Variants in BAAT observed in about 807,000 individuals in gnomAD.
BAAT encodes the protein bile acid CoA: amino acid N-acyltransferase (glycine N-choloyltransferase).
BAAT carries 13 observed loss-of-function variants against 18.9 expected under a neutral mutation model. The ratio of observed to expected loss-of-function variants is 0.69; its 90% CI spans 0.45 to 1.10. The LOEUF (loss-of-function observed/expected upper bound fraction) is 1.10. BAAT is among the 50% of genes least tolerant of loss of function. BAAT has a pLI of 0.00. For missense variants in BAAT, 489 were observed against 504.0 expected (o/e 0.97, Z 0.28); for synonymous variants, 170 against 190.7 (o/e 0.89, Z 0.89).
chr9:101,364,621 T>C (rs1402575283), intron 3 of BAAT, among the ~76,000 whole-genome samples: 1 of 152,178 alleles, frequency 6.6e-6, no homozygotes, highest in Non-Finnish European at 1.5e-5. Context: ...GCAAGGCATT[T>C]AGAGGAACCA....
chr9:101,366,739 A>G (rs1322043749), intron 3 of BAAT, among the ~76,000 whole-genome samples: 1 of 152,022 alleles, frequency 6.6e-6, no homozygotes, highest in African/African-American at 2.4e-5. Flanking sequence ...AATGTTCACT[A>G]CATCAGTAGA....
chr9:101,362,985 C>T lies in BAAT; in HGVS notation c.700G>A (p.Val234Ile). 1.2e-6 allele frequency: 2 copies of T among 1,613,890 alleles called. No individual in the cohort carries two copies. Among genetic ancestry groups the T allele is most frequent in the Non-Finnish European group, 1.7e-6 (2 of 1,179,944 alleles). ...VFGSGVGVVS[V>I]CQGVQIGLSM... is the part of the protein sequence containing the mutation. ...AGTCCAATCTGTACTCCTTGACATA[C>T]AGAGACTACCCCAACGCCTGAGCCA... Residue 234 changes from valine (V) to isoleucine (I), a missense_variant, in exon 4 of 4, where the codon GTA becomes ATA. Physicochemically the swap from Val to Ile is conservative, Grantham distance 29. Coordinates refer to ENST00000259407, the MANE Select transcript of BAAT (RefSeq NM_001701.4).
intron 3 of BAAT, among the ~76,000 whole-genome samples, chr9:101,364,939 A>G (rs1475080855): frequency 6.6e-6 from 1 of 152,216 alleles, no homozygotes; most frequent in East Asian, 1.9e-4. Context: ...TACAACTCTG[A>G]CTTGCATAAA....
chr9:101,372,339 T>TA (rs1829966515), intron 1 of BAAT, among the ~76,000 whole-genome samples: 1 of 149,036 alleles, frequency 6.7e-6, no homozygotes, highest in African/African-American at 2.5e-5. Flanking sequence ...AGAATGAGAA[T>TA]AAAATCTTTG....
chr9:101,376,272 C>T (rs1830044870), intron 1 of BAAT: 1 of 192,656 alleles, frequency 5.2e-6, no homozygotes, highest in African/African-American at 2.4e-5. Flanking sequence ...ACGGATGATT[C>T]ATAGGATTAA....
Position 101,370,970 on chromosome 9 carries a change from GC to G in BAAT, c.434del (p.Gly145AlafsTer19), listed in dbSNP as rs1411713284. The G allele has an allele frequency of 2.5e-6, 4 of 1,614,090 alleles. No individual in the cohort carries two copies. Among genetic ancestry groups the G allele is most frequent in the Non-Finnish European group, 3.4e-6 (4 of 1,180,004 alleles). ...PGVTRIKVRE[G>X]RLRGALFLPP... ...GGAGAAAGAGAGCTCCTCGAAGGCG[GC>G]CTTCTCGAACCTTAATTCGTGTGAC... On this transcript the variant is annotated frameshift_variant, in exon 2 of 4. Transcript: ENST00000259407. LOFTEE classifies it high-confidence loss of function.
rs767910529 is a variant in BAAT, at chr9:101,362,782, T to A, written c.903A>T (p.Thr301=). 9.3e-6 allele frequency: 15 copies of A among 1,614,046 alleles called. No homozygotes were observed. Among genetic ancestry groups the A allele is most frequent in the Non-Finnish European group, 1.2e-5 (14 of 1,180,032 alleles). The change falls in exon 4 of 4, where the codon ACA becomes ACT. Residue 301 remains threonine (T), a synonymous_variant. Coordinates refer to ENST00000259407, the MANE Select transcript of BAAT (RefSeq NM_001701.4). ...AATATTGACTGGCCCCAACTTGAGTTGTCTCAAAAGTGCGATAGAGCTCTA... is the reference window on the plus strand; with the variant it reads ...AATATTGACTGGCCCCAACTTGAGTAGTCTCAAAAGTGCGATAGAGCTCTA... The part of the protein sequence containing the change: ...GLLELYRTFE[T]TQVGASQYLF...
In BAAT at chr9:101,362,084, T is replaced by C. The variant is rs1829735800; in HGVS notation, c.*344A>G. 1 of 349,414 alleles carries C rather than the reference T, an allele frequency of 2.9e-6. No homozygotes were observed. The highest frequency in any genetic ancestry group is 2.1e-5 in the African/African-American group (1 of 47,668). The allele number at this position is 349,414 out of a possible 1,614,324, so 21.6% of individuals were successfully genotyped here. ...TACTATATAGTGTTTTCTGACATGG[T>C]ATTTGGTTTTATATCTGTTACTTTG... On this transcript the variant is annotated 3_prime_UTR_variant, in exon 4 of 4. Coordinates refer to ENST00000259407, the MANE Select transcript of BAAT (RefSeq NM_001701.4).
At chr9:101,372,530 T>C (rs933385239) in intron 1 of BAAT, among the ~76,000 whole-genome samples, 7 of 151,976 alleles carry the variant, frequency 4.6e-5, no homozygotes, top group Non-Finnish European at 1.0e-4. Flanking sequence ...CTCCTTTTGA[T>C]TAGTGTGAAG....
At chr9:101,364,320 G>A (rs988234343) in intron 3 of BAAT, among the ~76,000 whole-genome samples, 1 of 152,118 alleles carries the variant, frequency 6.6e-6, no homozygotes, top group Admixed American at 6.5e-5. Flanking sequence ...TTCAGACTAG[G>A]ATGCTGGCCT....
intron 1 of BAAT, among the ~76,000 whole-genome samples, chr9:101,374,218 C>T (rs1168746038): frequency 1.3e-5 from 2 of 152,166 alleles, no homozygotes; most frequent in Non-Finnish European, 2.9e-5. Flanking sequence ...ATCTCAGTTA[C>T]CTGTCTTTCA....
Position 101,362,141 on chromosome 9 carries a change from G to T in BAAT, c.*287C>A. ...TTCTTGTTTGCCTTTTCTTATTTTTGCCAGTGTACTATACCTCAGTCCTAT... is the reference window on the plus strand; with the variant it reads ...TTCTTGTTTGCCTTTTCTTATTTTTTCCAGTGTACTATACCTCAGTCCTAT... On this transcript the variant is annotated 3_prime_UTR_variant, in exon 4 of 4. Transcript: ENST00000259407. 1 of 490,364 alleles carries T rather than the reference G, an allele frequency of 2.0e-6. No individual in the cohort carries two copies. Among genetic ancestry groups the T allele is most frequent in the Non-Finnish European group, 3.6e-6 (1 of 276,216 alleles). The allele number at this position is 490,364 out of a possible 1,614,324, so 30.4% of individuals were successfully genotyped here.
chr9:101,368,815 T>G (rs1054669016), intron 2 of BAAT, among the ~76,000 whole-genome samples: 41 of 152,284 alleles, frequency 2.7e-4, no homozygotes, highest in African/African-American at 9.9e-4. Context: ...ATATATATAT[T>G]TGTAGGTGAA....
chr9:101,363,290 A>G (rs1336923310), intron 3 of BAAT, among the ~76,000 whole-genome samples: 1 of 152,206 alleles, frequency 6.6e-6, no homozygotes, highest in African/African-American at 2.4e-5. Context: ...TCGCAGGGAA[A>G]GTAAGAAATG....
chr9:101,381,423 C>T lies in BAAT; in HGVS notation c.-60+3432G>A, dbSNP rs556040958. Among the ~76,000 whole-genome samples the T allele has an allele frequency of 3.3e-5, 5 of 152,198 alleles. No homozygotes were observed. The South Asian group carries it at 1.0e-3, about 32-fold the overall frequency. The stretch of plus-strand genomic sequence containing the variant: ...CTTGTAGTCCCAGCTGCTTGAGAGG[C>T]TGAGGCAGAAGAATTGCTTGAGCCC... On this transcript the variant is annotated intron_variant, in intron 1 of 3. Transcript: ENST00000259407.
intron 2 of BAAT, among the ~76,000 whole-genome samples, chr9:101,370,658 A>G (rs1829919496): frequency 1.3e-5 from 2 of 152,124 alleles, no homozygotes; most frequent in African/African-American, 2.4e-5. Context: ...ACATTCTTAG[A>G]CAAGCTTCAG....
intron 1 of BAAT, among the ~76,000 whole-genome samples, chr9:101,382,330 T>C (rs1228352857): frequency 6.6e-6 from 1 of 152,070 alleles, no homozygotes; most frequent in Non-Finnish European, 1.5e-5. Flanking sequence ...CCAGGGGCAT[T>C]CCACCAGAAT....
In BAAT at chr9:101,384,961, C is replaced by T. The variant is rs1432198189; in HGVS notation, c.-166G>A. 6.6e-6 allele frequency among the ~76,000 whole-genome samples: 1 copy of T among 152,062 alleles called. No individual in the cohort carries two copies. The highest frequency in any genetic ancestry group is 6.6e-5 in the Admixed American group (1 of 15,264). Reference sequence around the variant, plus strand: ...AGAGTACAAAGAGAGGAATTTACAGCTGGGCCTCCGGGGGTGATGTCACAT... The same window carrying T: ...AGAGTACAAAGAGAGGAATTTACAGTTGGGCCTCCGGGGGTGATGTCACAT... On this transcript the variant is annotated 5_prime_UTR_variant, in exon 1 of 4. Transcript: ENST00000259407.
intron 1 of BAAT, among the ~76,000 whole-genome samples, chr9:101,372,621 T>TG (rs1484997127): frequency 1.2e-4 from 9 of 74,062 alleles, no homozygotes; most frequent in Non-Finnish European, 2.0e-4. Context: ...TTGGGGTTGT[T>TG]GGTTTTTTTT....
Sources: gnomAD v4.1 joint callset for allele counts (sites outside exome capture counted in the v4.1 genomes callset) on GRCh38, gnomAD v4.1.1 for gene constraint, MANE v1.5 for transcripts, NCBI Gene and HGNC (gene_info 2026-07-23, HGNC 2026-07-21) for gene names.